The following SYNE1 variants were observed in gnomAD, a reference collection of about 807,000 sequenced individuals.
SYNE1 encodes spectrin repeat containing nuclear envelope protein 1.
SYNE1 carries 616 observed loss-of-function variants against 1,111.0 expected under a neutral mutation model. The observed-to-expected ratio is 0.55, with a 90% CI of 0.52 to 0.59. The LOEUF is 0.59. SYNE1 is among the 20% of genes least tolerant of loss of function. SYNE1 has a pLI of 0.00. For synonymous variants in SYNE1, 3,855 were observed against 3,825.8 expected (o/e 1.01, Z -0.28); for missense variants, 10,006 against 10,417.0 (o/e 0.96, Z 1.72).
rs1311351415 is a variant in SYNE1 at position 152,329,856 on chromosome 6, C to A, written c.14829G>T (p.Ala4943=). The change falls in exon 78 of 146, where the codon GCG becomes GCT. Residue 4943 remains alanine (A), a synonymous_variant. Transcript: ENST00000367255. The part of the protein sequence containing the change: ...EVQSSLRIMN[A]LSHKEKEKFT... ...ACTTCTCCTTTTCCTTGTGACTCAGCGCATTCATGATTCTCAAGCTGGACT... is the reference window on the plus strand; with the variant it reads ...ACTTCTCCTTTTCCTTGTGACTCAGAGCATTCATGATTCTCAAGCTGGACT... The A allele has an allele frequency of 1.2e-6, 2 of 1,614,028 alleles. No homozygotes were observed. Among genetic ancestry groups the A allele is most frequent in the South Asian group, 1.1e-5 (1 of 91,090 alleles).
intron 130 of SYNE1, chr6:152,167,868 G>T: frequency 1.4e-6 from 1 of 701,090 alleles, no homozygotes; most frequent in Non-Finnish European, 2.7e-6. Context: ...GAGACAACTG[G>T]AATACAGAGT....
intron 48 of SYNE1, among the ~76,000 whole-genome samples, 174 bp downstream of exon 48, chr6:152,399,442 A>G (rs1351733405): frequency 6.6e-6 from 1 of 152,228 alleles, no homozygotes; most frequent in Non-Finnish European, 1.5e-5. Flanking sequence ...AATTCTGCAT[A>G]GGGTGAGAGC....
intron 12 of SYNE1, among the ~76,000 whole-genome samples, chr6:152,485,804 A>G (rs1458918397): frequency 6.6e-6 from 1 of 152,202 alleles, no homozygotes; most frequent in Non-Finnish European, 1.5e-5. Flanking sequence ...ATAAACAAAC[A>G]TGTAAATTCA....
chr6:152,174,978 G>C (rs1330322654), intron 130 of SYNE1, among the ~76,000 whole-genome samples: 1 of 152,220 alleles, frequency 6.6e-6, no homozygotes, highest in African/African-American at 2.4e-5. Flanking sequence ...TGGCTCACCT[G>C]AGGTCAGGAG....
At position 152,156,068 on chromosome 6, in the gene SYNE1, A is replaced by G. The variant is rs759858281; in HGVS notation, c.23820T>C (p.Ser7940=). 3 of 1,614,108 alleles carry G rather than the reference A, an allele frequency of 1.9e-6. No individual in the cohort carries two copies. Among genetic ancestry groups the G allele is most frequent in the Admixed American group, 3.3e-5 (2 of 60,008 alleles). ...GGTTGAGGACAGATGCAACACCTGT[A>G]CTGTGCTTCTCTATGTCTCTCTGAA... ...QELQRDIEKH[S]TGVASVLNLC... The change falls in exon 132 of 146, where the codon AGT becomes AGC. Residue 7940 remains serine, a synonymous_variant. Coordinates refer to ENST00000367255, the MANE Select transcript of SYNE1 (RefSeq NM_182961.4).
intron 3 of SYNE1, among the ~76,000 whole-genome samples, chr6:152,574,636 G>C (rs2099489142): frequency 6.6e-6 from 1 of 152,198 alleles, no homozygotes; most frequent in African/African-American, 2.4e-5. Context: ...TAGGTGCTAA[G>C]TAAATACCGT....
At position 152,435,911 on chromosome 6, in the gene SYNE1, A is replaced by G. The variant is rs561818862; in HGVS notation, c.4310+30T>C. On this transcript the variant is annotated intron_variant, in intron 33 of 145. Transcript: ENST00000367255. ...GATTGTATGAAACTTTATCTCAGAG[A>G]AGAAAGTTTAGGACTTGTCAATCAC... 4.3e-6 allele frequency: 7 copies of G among 1,612,932 alleles called. No homozygotes were observed. The East Asian group carries it at 1.3e-4, about 31-fold the overall frequency.
At chr6:152,153,412 C>T (rs1228816431) in intron 133 of SYNE1, among the ~76,000 whole-genome samples, 3 of 152,160 alleles carry the variant, frequency 2.0e-5, no homozygotes, top group African/African-American at 7.2e-5. Flanking sequence ...AGCACAACTT[C>T]GTTTCTGCAA....
chr6:152,343,151 CTTTTCT>C (rs1396682521), intron 74 of SYNE1, among the ~76,000 whole-genome samples: 4 of 102,414 alleles, frequency 3.9e-5, no homozygotes, highest in Admixed American at 1.1e-4. Flanking sequence ...CTTTCGTTTT[CTTTTCT>C]TTTTTTTTTT....
intron 12 of SYNE1, among the ~76,000 whole-genome samples, chr6:152,486,639 T>C (rs1306869757): frequency 6.6e-6 from 1 of 152,234 alleles, no homozygotes; most frequent in Non-Finnish European, 1.5e-5. Flanking sequence ...GCTTAATCAT[T>C]TTTTAATGGA....
chr6:152,198,917 C>T (rs983514188), intron 127 of SYNE1, among the ~76,000 whole-genome samples: 1 of 149,670 alleles, frequency 6.7e-6, no homozygotes, highest in African/African-American at 2.5e-5. Flanking sequence ...ATAAAGTGAG[C>T]ACATGCTGTT....
In SYNE1 at chr6:152,168,080, T is replaced by C. The variant is rs1008090940; in HGVS notation, c.23628-3755A>G. 6 of 780,910 alleles carry C rather than the reference T, an allele frequency of 7.7e-6. 1 individual carries two copies. Among genetic ancestry groups the C allele is most frequent in the South Asian group, 6.7e-5 (5 of 74,622 alleles). The allele number at this position is 780,910 out of a possible 1,614,324, so 48.4% of individuals were successfully genotyped here. ...CAAACCCCACGTAACATGAAAGCTA[T>C]GTACAATGGAAGAAACTCAAGAAGA... On this transcript the variant is annotated intron_variant, in intron 130 of 145. Transcript: ENST00000367255.
intron 119 of SYNE1, among the ~76,000 whole-genome samples, chr6:152,219,980 C>T (rs541094724): frequency 6.6e-6 from 1 of 152,214 alleles, no homozygotes; most frequent in Non-Finnish European, 1.5e-5. Flanking sequence ...GAACAAAGGG[C>T]TCTTTACGCT....
At chr6:152,535,130 C>G (rs982951792) in intron 4 of SYNE1, among the ~76,000 whole-genome samples, 1 of 152,146 alleles carries the variant, frequency 6.6e-6, no homozygotes, top group African/African-American at 2.4e-5. Flanking sequence ...ATGACTAGTG[C>G]CCTCACACAG....
In SYNE1 at chr6:152,520,619, G is replaced by A. The variant is rs564942764; in HGVS notation, c.226-77C>T. 10 of 1,475,752 alleles carry A rather than the reference G, an allele frequency of 6.8e-6. No individual in the cohort carries two copies. The African/African-American group carries it at 8.4e-5, about 12-fold the overall frequency. The allele number at this position is 1,475,752 out of a possible 1,614,324, so 91.4% of individuals were successfully genotyped here. On this transcript the variant is annotated intron_variant, in intron 5 of 145. Coordinates refer to ENST00000367255, the MANE Select transcript of SYNE1 (RefSeq NM_182961.4). ...TGTTAGTTATAAGATCTATTTAAAT[G>A]GATTAAAAATATACTTGAAGAATAT...
At position 152,176,439 on chromosome 6, in the gene SYNE1, T is replaced by C. The variant is rs371656793; in HGVS notation, c.23582A>G (p.Lys7861Arg). The change falls in exon 130 of 146, where the codon AAG becomes AGG. Residue 7861 changes from lysine to arginine, a missense_variant. Lys to Arg is a conservative substitution (Grantham distance 26, BLOSUM62 2). Around this residue, in one of 7 missense-constraint regions of SYNE1, gnomAD observed 2,182 missense variants for 2,287.8 expected, o/e 0.95. Coordinates refer to ENST00000367255, the MANE Select transcript of SYNE1 (RefSeq NM_182961.4). ...KASEIEYKLGKVNDRWQHLLD... is the reference protein window; with the variant it reads ...KASEIEYKLGRVNDRWQHLLD... ...GAGATGCTGCCACCGGTCGTTGACC[T>C]TTCCCAGCTTGTATTCAATCTCAGA... 1.7e-5 allele frequency: 27 copies of C among 1,613,278 alleles called. No individual in the cohort carries two copies. The highest frequency in any genetic ancestry group is 3.3e-5 in the South Asian group (3 of 91,066).
In SYNE1 at chr6:152,208,072, A is replaced by G; in HGVS notation, c.22724T>C (p.Leu7575Pro). 1 of 1,613,928 alleles carries G rather than the reference A, an allele frequency of 6.2e-7. No homozygotes were observed. Among genetic ancestry groups the G allele is most frequent in the Non-Finnish European group, 8.5e-7 (1 of 1,179,980 alleles). The change falls in exon 125 of 146, where the codon CTT becomes CCT. Residue 7575 changes from leucine (L) to proline (P), a missense_variant. Leu to Pro is a moderately conservative substitution (Grantham distance 98). This residue lies in a region of SYNE1 where 2,182 missense variants were observed against 2,287.8 expected (regional missense o/e 0.95). Transcript: ENST00000367255. ...GGACACTTCAACCAACCATTTACGAAGCTTTTCTGCCATCTCCCTATAGCG... is the reference window on the plus strand; with the variant it reads ...GGACACTTCAACCAACCATTTACGAGGCTTTTCTGCCATCTCCCTATAGCG... The part of the protein sequence containing the change: ...WQRYREMAEK[L>P]RKWLVEVSYL...
intron 40 of SYNE1, among the ~76,000 whole-genome samples, chr6:152,418,514 A>C (rs990578462): frequency 6.6e-6 from 1 of 152,232 alleles, no homozygotes; most frequent in African/African-American, 2.4e-5. Context: ...TATGTAGCTT[A>C]TCTCCATTAT....
At chr6:152,614,796 T>C (rs2099641341) in intron 3 of SYNE1, among the ~76,000 whole-genome samples, 2 of 152,148 alleles carry the variant, frequency 1.3e-5, no homozygotes, top group South Asian at 4.1e-4. Flanking sequence ...TGAAATACTA[T>C]GTAGTCATAA....
Sources: gnomAD v4.1 joint callset for allele counts (sites outside exome capture counted in the v4.1 genomes callset) on GRCh38, gnomAD v4.1.1 for gene constraint, gnomAD v4.1.1 regional missense constraint, MANE v1.5 for transcripts, NCBI Gene and HGNC (gene_info 2026-07-23, HGNC 2026-07-21) for gene names.